The following POLD1 variants were observed in gnomAD, a reference collection of about 807,000 sequenced individuals.
POLD1 encodes the protein DNA polymerase delta 1, catalytic subunit.
POLD1 carries 79 observed loss-of-function variants against 129.7 expected under a neutral mutation model. The observed-to-expected ratio is 0.61, with a 90% CI of 0.51 to 0.73. POLD1 has a LOEUF of 0.73. Ranked by LOEUF, POLD1 falls within the 30% of genes least tolerant of loss-of-function variation. The probability of loss-of-function intolerance (pLI) is 0.00; values close to 1 mark genes in which losing one functional copy is unlikely to be tolerated. For missense variants in POLD1, 1,338 were observed against 1,595.8 expected (o/e 0.84, Z 2.75); for synonymous variants, 714 against 683.3 (o/e 1.04, Z -0.70).
At chr19:50,416,283 T>A in intron 22 of POLD1, 113 bp from the exon 23 acceptor site, 28 of 1,091,068 alleles carry the variant, frequency 2.6e-5, no homozygotes, top group Non-Finnish European at 3.4e-5. Flanking sequence ...GCCCCCCCCA[T>A]GTCACAGCCC....
rs1465085004 is a variant in POLD1 at position 50,413,750 on chromosome 19, T to C, written c.2259T>C (p.Tyr753=). ...ATCCCCACCGCCCGCAGGTGGTGTA[T>C]GGTGACACTGACTCCGTCATGTGCC... ...NGYSTSAKVV[Y]GDTDSVMCRF... Residue 753 remains tyrosine, a synonymous_variant, in exon 19 of 27, where the codon TAT becomes TAC. Transcript: ENST00000440232. The C allele has an allele frequency of 6.2e-7, 1 of 1,605,860 alleles. No individual in the cohort carries two copies.
At chr19:50,391,045 G>A (rs1332585609) in intron 1 of POLD1, among the ~76,000 whole-genome samples, 1 of 151,692 alleles carries the variant, frequency 6.6e-6, no homozygotes, top group Non-Finnish European at 1.5e-5. Context: ...CGACAAAACC[G>A]CCATCGTCAT....
At chr19:50,401,651 G>A in intron 3 of POLD1, 127 bp from the exon 4 acceptor site, 1 of 1,010,526 alleles carries the variant, frequency 9.9e-7, no homozygotes, top group Non-Finnish European at 1.5e-6. Flanking sequence ...GGCTGAAATG[G>A]ACACAGGGAA....
intron 22 of POLD1, 96 bp downstream of exon 22, chr19:50,415,922 G>C: frequency 1.0e-6 from 1 of 961,984 alleles, no homozygotes; most frequent in Non-Finnish European, 1.5e-6. Flanking sequence ...GGGGCCTCCC[G>C]TGCCCTGTGG....
chr19:50,411,730 C>T (rs918822496), intron 17 of POLD1, among the ~76,000 whole-genome samples: 2 of 152,092 alleles, frequency 1.3e-5, no homozygotes, highest in African/African-American at 2.4e-5. Flanking sequence ...ATCCCAGCTA[C>T]TCGGGAGGCT....
rs996162112 is a variant in POLD1 at position 50,409,967 on chromosome 19, G to C, written c.2154+301G>C. Among the ~76,000 whole-genome samples, 1 of 152,246 alleles carries C rather than the reference G, an allele frequency of 6.6e-6. No individual in the cohort carries two copies. The highest frequency in any genetic ancestry group is 2.1e-4 in the South Asian group (1 of 4,838). On this transcript the variant is annotated intron_variant, in intron 17 of 26. Transcript: ENST00000440232. The surrounding 1 kb of genome is among the most constrained non-coding windows in gnomAD (Gnocchi z 5.8). The stretch of plus-strand genomic sequence containing the variant: ...CCAGTGGGGACACTGACAGGTCTGT[G>C]TAAACGTGTTTAGGACACAAGTGGC...
At chr19:50,414,238 C>T (rs2039194016) in intron 19 of POLD1, among the ~76,000 whole-genome samples, 2 of 152,204 alleles carry the variant, frequency 1.3e-5, no homozygotes, top group African/African-American at 2.4e-5. Flanking sequence ...CACACTTGGT[C>T]CCAGGAAACC....
intron 25 of POLD1, 34 bp from the exon 26 acceptor site, chr19:50,417,138 C>G (rs199899233): frequency 3.2e-6 from 5 of 1,569,502 alleles, no homozygotes; most frequent in Non-Finnish European, 4.3e-6. Context: ...GGTGGGGAGG[C>G]GGGGGCGCCC....
chr19:50,401,688 C>A (rs953492192), intron 3 of POLD1, 90 bp from the exon 4 acceptor site: 6 of 1,439,264 alleles, frequency 4.2e-6, no homozygotes, highest in Non-Finnish European at 4.8e-6. Context: ...GTGCCCCAGG[C>A]TGCAGGCCCC....
Position 50,407,354 on chromosome 19 carries a change from G to T in POLD1, c.1714G>T (p.Val572Leu), listed in dbSNP as rs775434361. The change falls in exon 14 of 27, where the codon GTG becomes TTG. Residue 572 changes from valine to leucine, a missense_variant. Physicochemically the swap from Val to Leu is conservative, Grantham distance 32. This residue lies in a region of POLD1 where 720 missense variants were observed against 1,002.6 expected (regional missense o/e 0.72). Transcript: ENST00000440232. ...CATGCACGAGGGGCTGCTGATGCCC[G>T]TGGTGAAGTCAGAGGGCGGCGAGGA... ...QAMHEGLLMP[V>L]VKSEGGEDYT... 1 of 1,612,746 alleles carries T rather than the reference G, an allele frequency of 6.2e-7. No homozygotes were observed. The highest frequency in any genetic ancestry group is 2.2e-5 in the East Asian group (1 of 44,844).
chr19:50,400,699 C>CTT (rs78107518), intron 3 of POLD1, among the ~76,000 whole-genome samples: 3 of 136,992 alleles, frequency 2.2e-5, no homozygotes, highest in East Asian at 2.2e-4. Context: ...GTCTGGCTAA[C>CTT]TTTTTTTTTT....
chr19:50,401,143 G>C (rs779462455), intron 3 of POLD1, among the ~76,000 whole-genome samples: 2 of 151,268 alleles, frequency 1.3e-5, no homozygotes, highest in Non-Finnish European at 2.9e-5. Context: ...CAAAAAATTA[G>C]CCAGGTGTGG....
intron 20 of POLD1, among the ~76,000 whole-genome samples, 192 bp downstream of exon 20, chr19:50,415,182 A>C (rs756588646): frequency 9.3e-5 from 14 of 149,894 alleles, no homozygotes; most frequent in Non-Finnish European, 1.6e-4. Flanking sequence ...CCAGACCCCC[A>C]GCCCCTCCTC....
rs10422878 is a variant in POLD1 at position 50,408,590 on chromosome 19, C to A, written c.1776-195C>A. 8,427 of 818,302 alleles carry A rather than the reference C, an allele frequency of 0.01. 403 individuals carry two copies. The African/African-American group carries it at 0.1, about 10-fold the overall frequency. 50.7% of individuals were successfully genotyped at this position (818,302 alleles called of 1,614,324 possible). ...TAGAGATAGGGTTTTGCCATGTTGC[C>A]CAGGCTGATCTGAAACTCCTGAGTT... On this transcript the variant is annotated intron_variant, in intron 14 of 26. Coordinates refer to ENST00000440232, the MANE Select transcript of POLD1 (RefSeq NM_002691.4).
intron 1 of POLD1, among the ~76,000 whole-genome samples, chr19:50,385,310 AG>A (rs1295946276): frequency 2.6e-5 from 4 of 152,066 alleles, no homozygotes; most frequent in Admixed American, 1.3e-4. Flanking sequence ...CGTAGGAGCA[AG>A]GGGAAGAGTC....
intron 17 of POLD1, among the ~76,000 whole-genome samples, chr19:50,412,475 A>AT (rs2039119831): frequency 1.3e-5 from 2 of 152,136 alleles, no homozygotes; most frequent in Non-Finnish European, 1.5e-5. Flanking sequence ...AAAAAAAAAA[A>AT]AAATTGAATC....
In POLD1 at chr19:50,406,946, A is replaced by T. The variant is rs2038908599; in HGVS notation, c.1495-37A>T. 21 of 1,483,334 alleles carry T rather than the reference A, an allele frequency of 1.4e-5. No homozygotes were observed. The East Asian group carries it at 4.7e-4, about 33-fold the overall frequency. 91.9% of individuals were successfully genotyped at this position (1,483,334 alleles called of 1,614,324 possible). ...TCTCCTGCTCCACCTCCCACCCCCA[A>T]CCCCTGGTCCCTGACCCCATCCGTG... is the stretch of plus-strand genomic sequence containing the variant. On this transcript the variant is annotated intron_variant, in intron 12 of 26. Transcript: ENST00000440232. This position sits in a 1 kb window ranked among gnomAD's most constrained non-coding sequence, Gnocchi z 5.5.
rs376581180 is a variant in POLD1, at chr19:50,417,033, G to A, written c.3068-12G>A. On this transcript the variant is annotated splice_polypyrimidine_tract_variant and intron_variant, in intron 24 of 26. Coordinates refer to ENST00000440232, the MANE Select transcript of POLD1 (RefSeq NM_002691.4). ...TGGGCCCCAGCACTTGGGCTGACCC[G>A]CCTCCCCACAGGAGCCGTGTGTGAG... 60 of 1,548,382 alleles carry A rather than the reference G, an allele frequency of 3.9e-5. No homozygotes were observed. The highest frequency in any genetic ancestry group is 4.8e-5 in the Non-Finnish European group (55 of 1,146,112).
intron 17 of POLD1, among the ~76,000 whole-genome samples, chr19:50,410,112 G>A (rs2039040846): frequency 1.3e-5 from 2 of 152,200 alleles, no homozygotes; most frequent in African/African-American, 2.4e-5. Flanking sequence ...GACGTGGGGA[G>A]GGAAGCCATT....
Sources: allele counts gnomAD v4.1 joint callset (sites outside exome capture counted in the v4.1 genomes callset), GRCh38; gene constraint gnomAD v4.1.1; regional missense constraint gnomAD v4.1.1; non-coding constraint Gnocchi (gnomAD v3.1); transcripts MANE v1.5; gene names NCBI Gene and HGNC (gene_info 2026-07-23, HGNC 2026-07-21).